EFNA5: variants seen among roughly 807,000 people sequenced by gnomAD.
EFNA5 encodes the protein ephrin A5, also known as ephrin-A5.
A neutral mutation model predicts 22.9 loss-of-function variants in EFNA5; 5 were observed. The ratio of observed to expected loss-of-function variants is 0.22; its 90% confidence interval spans 0.11 to 0.46. The LOEUF is 0.46. Ranked by LOEUF, EFNA5 falls within the 20% of genes least tolerant of loss-of-function variation. EFNA5 has a pLI of 0.99. For missense variants in EFNA5, 237 were observed against 293.3 expected, an observed-to-expected ratio of 0.81 and a Z score of 1.40; for synonymous variants, 113 against 112.2, an observed-to-expected ratio of 1.01 and a Z score of -0.04.
rs185380625 is a variant in EFNA5, at chr5:107,549,935, A to G, written c.125+120554T>C. Among the ~76,000 whole-genome samples the G allele has an allele frequency of 1.4e-3, 215 of 152,354 alleles. 1 individual carries two copies. The highest frequency in any genetic ancestry group is 5.1e-3 in the African/African-American group (212 of 41,578). ...TGTAAAAAGGGATTGGTTAGTACCT[A>G]TGGCTCTCTGGAAATGGAAGTCATT... On this transcript the variant is annotated intron_variant, in intron 1 of 4. Transcript: ENST00000333274.
At chr5:107,464,198 G>A (rs1193115565) in intron 1 of EFNA5, among the ~76,000 whole-genome samples, 1 of 152,040 alleles carries the variant, frequency 6.6e-6, no homozygotes, top group Non-Finnish European at 1.5e-5. Context: ...TTCAGCCCCG[G>A]GACCAGCAGC....
intron 1 of EFNA5, among the ~76,000 whole-genome samples, chr5:107,629,376 T>C (rs924571426): frequency 1.7e-4 from 26 of 152,134 alleles, no homozygotes; most frequent in African/African-American, 6.0e-4. Flanking sequence ...CACACACACA[T>C]TGCATTTTGG....
At chr5:107,502,519 G>A (rs1375852393) in intron 1 of EFNA5, among the ~76,000 whole-genome samples, 1 of 152,162 alleles carries the variant, frequency 6.6e-6, no homozygotes, top group Non-Finnish European at 1.5e-5. Flanking sequence ...ATTACATTAC[G>A]AAGCACAGCT....
intron 2 of EFNA5, among the ~76,000 whole-genome samples, chr5:107,413,529 T>C (rs1274414847): frequency 6.6e-6 from 1 of 152,234 alleles, no homozygotes; most frequent in Non-Finnish European, 1.5e-5. Flanking sequence ...AACTATTCAT[T>C]ATTCATTTCT....
chr5:107,410,786 T>C (rs1748346754), intron 2 of EFNA5, among the ~76,000 whole-genome samples: 1 of 152,224 alleles, frequency 6.6e-6, no homozygotes, highest in Admixed American at 6.5e-5. Context: ...ACTCCCTCTC[T>C]TACATTTGAG....
intron 1 of EFNA5, among the ~76,000 whole-genome samples, chr5:107,670,005 G>T (rs1413792935): frequency 4.0e-5 from 6 of 148,694 alleles, no homozygotes; most frequent in African/African-American, 1.5e-4. Context: ...GCGCGCACCG[G>T]GAAAAGAGAA....
chr5:107,578,341 T>C (rs537525835), intron 1 of EFNA5, among the ~76,000 whole-genome samples: 46 of 152,232 alleles, frequency 3.0e-4, no homozygotes, highest in African/African-American at 8.9e-4. Context: ...ATTTTGGAAA[T>C]TGAGAAATGT....
At chr5:107,500,105 T>C (rs1250024045) in intron 1 of EFNA5, among the ~76,000 whole-genome samples, 3 of 152,208 alleles carry the variant, frequency 2.0e-5, no homozygotes, top group Non-Finnish European at 4.4e-5. Context: ...CCCCTCTCTT[T>C]TTATTCACCC....
chr5:107,524,354 G>C (rs1159706968), intron 1 of EFNA5, among the ~76,000 whole-genome samples: 1 of 152,164 alleles, frequency 6.6e-6, no homozygotes, highest in East Asian at 1.9e-4. Context: ...TGTTTGCCTG[G>C]TCACAGAAAA....
chr5:107,424,185 TTTTC>T lies in EFNA5; in HGVS notation c.418+3028_418+3031del, dbSNP rs1242098138. Among the ~76,000 whole-genome samples the T allele has an allele frequency of 2.7e-3, 412 of 151,036 alleles. 2 individuals are homozygous for T. The highest frequency in any genetic ancestry group is 0.014 in the Middle Eastern group (4 of 294). ...ATGGCCAAAAAGCTATAGCTTTCTT[TTTTC>T]TTTCTTTCATTTTTTTTTTTTTTTT... On this transcript the variant is annotated intron_variant, in intron 2 of 4. Transcript: ENST00000333274.
chr5:107,621,534 G>A (rs1750038738), intron 1 of EFNA5, among the ~76,000 whole-genome samples: 1 of 152,206 alleles, frequency 6.6e-6, no homozygotes, highest in Non-Finnish European at 1.5e-5. Flanking sequence ...GGGAAGCCAT[G>A]GAACACAAAG....
chr5:107,552,076 T>C (rs535035116), intron 1 of EFNA5, among the ~76,000 whole-genome samples: 1 of 152,112 alleles, frequency 6.6e-6, no homozygotes, highest in East Asian at 1.9e-4. Context: ...GCATACACTA[T>C]AAAAAGTGAC....
At chr5:107,594,801 G>A (rs928525568) in intron 1 of EFNA5, among the ~76,000 whole-genome samples, 3 of 152,154 alleles carry the variant, frequency 2.0e-5, no homozygotes, top group Admixed American at 6.5e-5. Flanking sequence ...CAGCACCGGT[G>A]AAATTACAAC....
chr5:107,492,210 A>T lies in EFNA5; in HGVS notation c.126-64701T>A, dbSNP rs565122582. On this transcript the variant is annotated intron_variant, in intron 1 of 4. Coordinates refer to ENST00000333274, the MANE Select transcript of EFNA5 (RefSeq NM_001962.3). ...TCCTAAACCATGTTTAAAAAAAATT[A>T]TTCAGTCTTATAAAGTTACAAAAAC... 3.9e-5 allele frequency among the ~76,000 whole-genome samples: 6 copies of T among 152,358 alleles called. 1 individual carries two copies. Among genetic ancestry groups the T allele is most frequent in the East Asian group, 3.9e-4 (2 of 5,190 alleles).
At chr5:107,488,249 A>AT (rs1371831490) in intron 1 of EFNA5, among the ~76,000 whole-genome samples, 1 of 152,120 alleles carries the variant, frequency 6.6e-6, no homozygotes, top group Non-Finnish European at 1.5e-5. Flanking sequence ...GCTTAGTTCA[A>AT]TTTTTTTATT....
At chr5:107,550,784 A>T (rs1748277149) in intron 1 of EFNA5, among the ~76,000 whole-genome samples, 1 of 152,194 alleles carries the variant, frequency 6.6e-6, no homozygotes, top group Middle Eastern at 3.2e-3. Context: ...GACTTCTAGA[A>T]GTCCTTAGAA....
At chr5:107,622,780 A>G (rs578015110) in intron 1 of EFNA5, among the ~76,000 whole-genome samples, 11 of 151,292 alleles carry the variant, frequency 7.3e-5, no homozygotes, top group Admixed American at 2.0e-4. Context: ...CCAGCACTTT[A>G]GGAGGCCGAG....
chr5:107,641,817 T>C (rs140326999), intron 1 of EFNA5, among the ~76,000 whole-genome samples: 2 of 152,282 alleles, frequency 1.3e-5, no homozygotes, highest in Non-Finnish European at 2.9e-5. Flanking sequence ...GAGGCACAAA[T>C]GGGTTTTTAT....
intron 1 of EFNA5, among the ~76,000 whole-genome samples, chr5:107,655,014 A>G (rs896776661): frequency 4.3e-5 from 3 of 69,100 alleles, no homozygotes; most frequent in African/African-American, 1.1e-4. Context: ...GCGCTCATGG[A>G]AAAAAAAAAA....
Sources: gnomAD v4.1 joint callset for allele counts (sites outside exome capture counted in the v4.1 genomes callset) on GRCh38, gnomAD v4.1.1 for gene constraint, MANE v1.5 for transcripts, NCBI Gene and HGNC (gene_info 2026-07-23, HGNC 2026-07-21) for gene names.